PLAC1: variants seen among roughly 807,000 people sequenced by gnomAD.
The protein encoded by PLAC1 is placenta-specific protein 1.
For synonymous variants in PLAC1, 68 were observed against 62.1 expected (o/e 1.09, Z -0.44); for missense variants, 136 against 163.2 (o/e 0.83, Z 0.91).
At chrX:134,624,938 A>ATAGAT (rs2078228555) in intron 1 of PLAC1, among the ~76,000 whole-genome samples, 2 of 111,448 alleles carry the variant, frequency 1.8e-5, no homozygotes, top group Admixed American at 9.6e-5. Flanking sequence ...AGATAGATAG[A>ATAGAT]TAGATAGATA....
At chrX:134,587,813 T>C (rs898401306) in intron 2 of PLAC1, among the ~76,000 whole-genome samples, 17 of 112,154 alleles carry the variant, frequency 1.5e-4, no homozygotes, top group Admixed American at 6.6e-4. Context: ...CTCGCAGGCA[T>C]CTTAAGGTTG....
intron 2 of PLAC1, among the ~76,000 whole-genome samples, chrX:134,595,603 T>C (rs1463389646): frequency 1.0e-5 from 1 of 96,289 alleles, no homozygotes; most frequent in African/African-American, 4.1e-5. Context: ...ATATATAATA[T>C]ATATATAATG....
intron 2 of PLAC1, among the ~76,000 whole-genome samples, chrX:134,732,347 G>A (rs1047155661): frequency 1.2e-4 from 13 of 111,615 alleles, no homozygotes; most frequent in African/African-American, 2.6e-4. Context: ...CTGCCCAGCC[G>A]GTACAGTAGC....
At chrX:134,748,764 C>T (rs2078734737) in intron 1 of PLAC1, among the ~76,000 whole-genome samples, 1 of 111,645 alleles carries the variant, frequency 9.0e-6, no homozygotes, top group Non-Finnish European at 1.9e-5. Context: ...GATGAAATGA[C>T]TGGCAAGACA....
At chrX:134,696,366 TAGAG>T (rs1447021475) in intron 2 of PLAC1, among the ~76,000 whole-genome samples, 1 of 111,376 alleles carries the variant, frequency 9.0e-6, no homozygotes, top group African/African-American at 3.3e-5. Flanking sequence ...GAGGGGAGGA[TAGAG>T]AGAGATTAGG....
intron 2 of PLAC1, among the ~76,000 whole-genome samples, chrX:134,588,285 CTT>C (rs2078015801): frequency 1.4e-5 from 1 of 70,061 alleles, no homozygotes; most frequent in African/African-American, 4.4e-5. Context: ...TTCTAGAACT[CTT>C]TATTTTATTT....
At position 134,585,659 on chromosome X, in the gene PLAC1, G is replaced by A. The variant is rs143027879; in HGVS notation, c.-59+16392C>T. The stretch of plus-strand genomic sequence containing the variant: ...GATGTCCTGAGGTGGGGACCCTGAG[G>A]TGGGGGTAATTTTGGCCCAATGGCA... On this transcript the variant is annotated intron_variant, in intron 2 of 2. Coordinates refer to ENST00000359237, the MANE Select transcript of PLAC1 (RefSeq NM_021796.4). Among the ~76,000 whole-genome samples the A allele has an allele frequency of 7.7e-4, 86 of 111,293 alleles. 2 individuals are homozygous for A. In the East Asian group the frequency reaches 0.021, roughly 27 times the overall value.
In PLAC1 at chrX:134,752,701, T is replaced by C. The variant is rs937320871; in HGVS notation, n.89+11533A>G. Among the ~76,000 whole-genome samples the C allele has an allele frequency of 3.6e-5, 4 of 111,426 alleles. No individual in the cohort carries two copies. In the East Asian group the frequency reaches 1.1e-3, roughly 31 times the overall value. ...ATTTAACTTAAAGACTACCAGGCCC[T>C]GACAAACATCCTTGAAATGTAAATT... On this transcript the variant is annotated intron_variant and non_coding_transcript_variant, in intron 1 of 2. Coordinates refer to the PLAC1 transcript ENST00000466797.
intron 1 of PLAC1, among the ~76,000 whole-genome samples, chrX:134,645,918 C>A (rs1352983086): frequency 2.7e-5 from 3 of 111,686 alleles, no homozygotes; most frequent in Non-Finnish European, 5.6e-5. Context: ...GTCAATGTTG[C>A]ATGACAAATC....
At chrX:134,708,695 C>T (rs1038824432) in intron 2 of PLAC1, among the ~76,000 whole-genome samples, 1 of 110,028 alleles carries the variant, frequency 9.1e-6, no homozygotes, top group Non-Finnish European at 1.9e-5. Flanking sequence ...TGTGCCACCA[C>T]GCCTGACTAA....
intron 2 of PLAC1, among the ~76,000 whole-genome samples, chrX:134,727,939 T>C (rs1473605833): frequency 8.9e-6 from 1 of 111,868 alleles, no homozygotes; most frequent in Non-Finnish European, 1.9e-5. Context: ...AAAATATAAA[T>C]AGAAATTATT....
chrX:134,619,543 T>C (rs1303123976), intron 1 of PLAC1, among the ~76,000 whole-genome samples: 1 of 107,487 alleles, frequency 9.3e-6, no homozygotes, highest in Non-Finnish European at 1.9e-5. Context: ...CCCAGCTACT[T>C]GGGAGGCTGA....
At chrX:134,593,685 T>C (rs1223172038) in intron 2 of PLAC1, among the ~76,000 whole-genome samples, 1 of 112,105 alleles carries the variant, frequency 8.9e-6, no homozygotes. Flanking sequence ...TTTTTAACTT[T>C]GGTGTTTATG....
At position 134,671,484 on chromosome X, in the gene PLAC1, CAT is replaced by C. The variant is rs1175801421; in HGVS notation, n.174+61949_174+61950del. Among the ~76,000 whole-genome samples, 87 of 110,686 alleles carry C rather than the reference CAT, an allele frequency of 7.9e-4. 2 individuals carry two copies. The highest frequency in any genetic ancestry group is 1.3e-4 in the Non-Finnish European group (7 of 52,920). On this transcript the variant is annotated intron_variant and non_coding_transcript_variant, in intron 2 of 2. Coordinates refer to the PLAC1 transcript ENST00000466797. The stretch of plus-strand genomic sequence containing the variant: ...ATGAAGAAAAGGGGTTTAATTGACT[CAT>C]AGTTCCACAGGCTTAACAGGAAGCA...
At chrX:134,740,773 A>G (rs1391615984) in intron 1 of PLAC1, among the ~76,000 whole-genome samples, 1 of 111,884 alleles carries the variant, frequency 8.9e-6, no homozygotes, top group African/African-American at 3.3e-5. Flanking sequence ...GCAGAAGGCC[A>G]TGTGAAGACA....
intron 2 of PLAC1, among the ~76,000 whole-genome samples, chrX:134,592,221 C>T (rs1361981972): frequency 8.9e-6 from 1 of 111,996 alleles, no homozygotes; most frequent in Non-Finnish European, 1.9e-5. Flanking sequence ...GCTCTAGATC[C>T]CAAACATTTT....
chrX:134,709,321 T>C (rs1309344358), intron 2 of PLAC1, among the ~76,000 whole-genome samples: 7 of 112,344 alleles, frequency 6.2e-5, no homozygotes, highest in African/African-American at 2.3e-4. Flanking sequence ...CTTATTATAA[T>C]GTCATGGCAT....
At chrX:134,694,067 AT>A (rs922818545) in intron 2 of PLAC1, among the ~76,000 whole-genome samples, 3 of 109,975 alleles carry the variant, frequency 2.7e-5, no homozygotes, top group African/African-American at 9.9e-5. Flanking sequence ...TCTATAAATG[AT>A]TTTTTTTTCT....
chrX:134,612,321 A>G (rs1394827774), intron 1 of PLAC1, among the ~76,000 whole-genome samples: 5 of 112,090 alleles, frequency 4.5e-5, no homozygotes, highest in Non-Finnish European at 7.5e-5. Flanking sequence ...TTTTAAGGAC[A>G]CTGTGAAGAT....
Sources: gnomAD v4.1 joint callset for allele counts (sites outside exome capture counted in the v4.1 genomes callset) on GRCh38, gnomAD v4.1.1 for gene constraint, MANE v1.5 for transcripts, NCBI Gene and HGNC (gene_info 2026-07-23, HGNC 2026-07-21) for gene names.